USH2A: variants seen among roughly 807,000 people sequenced by gnomAD.
The protein encoded by USH2A is Usher syndrome 2A (autosomal recessive, mild).
USH2A carries 443 observed loss-of-function variants against 538.9 expected under a neutral mutation model. The ratio of observed to expected loss-of-function variants is 0.82; its 90% CI spans 0.76 to 0.89. USH2A has a LOEUF of 0.89. Among genes scored for constraint, USH2A ranks in the 40% least tolerant of loss-of-function variants. The pLI, the probability that USH2A is intolerant of heterozygous loss-of-function variation, is 0.00. For synonymous variants in USH2A, 2,413 were observed against 2,273.5 expected (o/e 1.06, Z -1.75); for missense variants, 6,633 against 6,324.8 (o/e 1.05, Z -1.65).
At chr1:216,372,696 A>C (rs1393120143) in intron 3 of USH2A, among the ~76,000 whole-genome samples, 1 of 152,172 alleles carries the variant, frequency 6.6e-6, no homozygotes, top group Non-Finnish European at 1.5e-5. Flanking sequence ...ACATGATGGA[A>C]AATCTGCCAA....
chr1:216,067,555 A>C (rs1474578673), intron 30 of USH2A, among the ~76,000 whole-genome samples: 3 of 152,088 alleles, frequency 2.0e-5, no homozygotes, highest in Admixed American at 2.0e-4. Context: ...GTCCAGGAAA[A>C]AGATGGTAGT....
intron 3 of USH2A, among the ~76,000 whole-genome samples, chr1:216,388,504 T>C (rs2039045561): frequency 6.6e-6 from 1 of 152,174 alleles, no homozygotes; most frequent in South Asian, 2.1e-4. Context: ...TATTATGACT[T>C]GGAAGGAAAA....
chr1:216,362,705 G>A (rs548716942), intron 4 of USH2A, among the ~76,000 whole-genome samples: 43 of 152,074 alleles, frequency 2.8e-4, no homozygotes, highest in Non-Finnish European at 5.1e-4. Flanking sequence ...CACTTTGAGA[G>A]GCCAAGGTGG....
In USH2A at chr1:215,674,706, T is replaced by C; in HGVS notation, c.13205A>G (p.Gln4402Arg). 1 of 1,614,172 alleles carries C rather than the reference T, an allele frequency of 6.2e-7. No homozygotes were observed. ...RYDNKESLAG[Q>R]GLCLLVSHLQ... ...GTGGGAAACCAGCAGGCACAGGCCC[T>C]GGCCAGCAAGGGACTCTTTATTATC... The change falls in exon 63 of 72, where the codon CAG becomes CGG. Residue 4402 changes from glutamine (Q) to arginine (R), a missense_variant. Transcript: ENST00000307340.
chr1:216,244,651 T>C (rs769950845), intron 13 of USH2A, among the ~76,000 whole-genome samples: 3 of 151,864 alleles, frequency 2.0e-5, no homozygotes, highest in Non-Finnish European at 4.4e-5. Flanking sequence ...AAATTATCCA[T>C]GGCTTTTTCT....
intron 9 of USH2A, among the ~76,000 whole-genome samples, chr1:216,309,034 C>A (rs1558031651): frequency 6.6e-6 from 1 of 152,260 alleles, no homozygotes; most frequent in East Asian, 1.9e-4. Flanking sequence ...TTAATAAACA[C>A]TCTACAGTTT....
intron 4 of USH2A, among the ~76,000 whole-genome samples, chr1:216,359,566 C>G (rs1381174262): frequency 6.6e-6 from 1 of 151,636 alleles, no homozygotes; most frequent in East Asian, 1.9e-4. Context: ...TAAAACTAGA[C>G]ATTGGTCTAA....
Position 216,338,647 on chromosome 1 carries a change from T to G in USH2A, c.785-10993A>C, listed in dbSNP as rs140600653. Among the ~76,000 whole-genome samples, 1,059 of 151,566 alleles carry G rather than the reference T, an allele frequency of 7.0e-3. 12 individuals are homozygous for G. The highest frequency in any genetic ancestry group is 0.025 in the African/African-American group (1,027 of 41,472). On this transcript the variant is annotated intron_variant, in intron 4 of 71. Transcript: ENST00000307340. ...ACCACTGAAGGAAATATTTTTACAA[T>G]CAATATAATTAAAACATGTAAAATG...
chr1:216,175,069 C>T, intron 21 of USH2A, 183 bp downstream of exon 21: 1 of 1,435,382 alleles, frequency 7.0e-7, no homozygotes, highest in Non-Finnish European at 9.1e-7. Context: ...ACTTACCTGA[C>T]TTTTTTCCCC....
At chr1:215,936,031 T>A (rs1034521571) in intron 37 of USH2A, among the ~76,000 whole-genome samples, 5 of 151,286 alleles carry the variant, frequency 3.3e-5, no homozygotes, top group Admixed American at 3.3e-4. Flanking sequence ...GGTCACAGAG[T>A]GAGATTTTTT....
intron 30 of USH2A, among the ~76,000 whole-genome samples, chr1:216,065,000 TCA>T (rs1281711126): frequency 2.0e-5 from 3 of 152,292 alleles, no homozygotes; most frequent in Admixed American, 1.3e-4. Context: ...CAAAAAAATC[TCA>T]GAGAAATTGA....
In USH2A at chr1:216,246,438, A is replaced by T. The variant is rs2036046906; in HGVS notation, c.2809+147T>A. 1.5e-5 allele frequency: 14 copies of T among 953,086 alleles called. No homozygotes were observed. In the South Asian group the frequency reaches 2.1e-4, roughly 15 times the overall value. 59.0% of individuals were successfully genotyped at this position (953,086 alleles called of 1,614,324 possible). A position where few individuals can be genotyped will look rare whatever the true frequency, so the allele number is the denominator to read the frequency against. On this transcript the variant is annotated intron_variant, in intron 13 of 71. Transcript: ENST00000307340. ...ATAATTTTGAATAAGTTAAATAGTT[A>T]TATATGTGTTGGATAATGATATAAA...
At chr1:215,832,449 T>C (rs1663348320) in intron 47 of USH2A, among the ~76,000 whole-genome samples, 1 of 151,980 alleles carries the variant, frequency 6.6e-6, no homozygotes. Context: ...GAAGTTCTGG[T>C]TATCCAGCGA....
At chr1:215,696,952 T>G (rs145684068) in intron 61 of USH2A, among the ~76,000 whole-genome samples, 2,098 of 152,054 alleles carry the variant, frequency 0.014, 8 homozygotes, top group African/African-American at 0.022. Context: ...CCTCTTTTTT[T>G]TTTGTTTGTT....
intron 60 of USH2A, among the ~76,000 whole-genome samples, chr1:215,730,225 T>C (rs963264098): frequency 6.6e-6 from 1 of 152,212 alleles, no homozygotes; most frequent in South Asian, 2.1e-4. Context: ...AAAAACATGA[T>C]GCAGGTTTGA....
At chr1:215,706,750 G>A (rs932252679) in intron 61 of USH2A, among the ~76,000 whole-genome samples, 5 of 152,118 alleles carry the variant, frequency 3.3e-5, no homozygotes, top group Admixed American at 2.6e-4. Context: ...AAAGCATTAA[G>A]TCAACCAGCT....
At chr1:216,274,977 T>G (rs1329768797) in intron 11 of USH2A, among the ~76,000 whole-genome samples, 1 of 152,130 alleles carries the variant, frequency 6.6e-6, no homozygotes, top group Non-Finnish European at 1.5e-5. Context: ...TATTTTTTTC[T>G]CAATCTTTTG....
At chr1:215,863,477 T>G (rs1664383935) in intron 44 of USH2A, among the ~76,000 whole-genome samples, 1 of 152,238 alleles carries the variant, frequency 6.6e-6, no homozygotes, top group African/African-American at 2.4e-5. Flanking sequence ...CTATCAAACC[T>G]GGTAGTTTCT....
Position 215,634,445 on chromosome 1 carries a change from C to G in USH2A, c.15297+14G>C. 2.5e-6 allele frequency: 4 copies of G among 1,614,160 alleles called. No individual in the cohort carries two copies. In the South Asian group the frequency reaches 3.3e-5, roughly 13 times the overall value. ...CAGTGATAGGGAAATGGGGCCACACCTCTACAAACATACCATATGGTTTTC... is the reference window on the plus strand; with the variant it reads ...CAGTGATAGGGAAATGGGGCCACACGTCTACAAACATACCATATGGTTTTC... On this transcript the variant is annotated intron_variant, in intron 70 of 71. Transcript: ENST00000307340.
Sources: gnomAD v4.1 joint callset for allele counts (sites outside exome capture counted in the v4.1 genomes callset) on GRCh38, gnomAD v4.1.1 for gene constraint, MANE v1.5 for transcripts, NCBI Gene and HGNC (gene_info 2026-07-23, HGNC 2026-07-21) for gene names.